P2RY8: variants seen among roughly 807,000 people sequenced by gnomAD.
P2RY8 encodes the protein P2Y receptor family member 8.
In P2RY8, 6 loss-of-function variants were observed where a neutral mutation model predicts 10.0. The observed-to-expected ratio is 0.60, with a 90% confidence interval of 0.33 to 1.19. P2RY8 has a LOEUF of 1.19. Among genes scored for constraint, P2RY8 ranks in the 50% most tolerant of loss-of-function variants. The pLI is 0.04. For synonymous variants in P2RY8, 276 were observed against 252.5 expected, an observed-to-expected ratio of 1.09 and a Z score of -0.88; for missense variants, 456 against 542.0, an observed-to-expected ratio of 0.84 and a Z score of 1.58.
intron 1 of P2RY8, among the ~76,000 whole-genome samples, chrX:1,509,733 C>CTATATATGTATCTATCTATG (rs2092280702): frequency 9.8e-6 from 1 of 102,160 alleles, no homozygotes; most frequent in African/African-American, 3.6e-5. Context: ...ATCTATGTAT[C>CTATATATGTATCTATCTATG]TATCTATGTA....
intron 1 of P2RY8, among the ~76,000 whole-genome samples, chrX:1,516,031 A>G (rs1439272402): frequency 1.6e-4 from 24 of 150,632 alleles, no homozygotes; most frequent in Non-Finnish European, 3.1e-4. Context: ...AAAAAAAAAA[A>G]AAAAAAATAC....
intron 1 of P2RY8, among the ~76,000 whole-genome samples, chrX:1,481,060 A>C (rs2091929548): frequency 6.6e-6 from 1 of 151,906 alleles, no homozygotes; most frequent in African/African-American, 2.4e-5. Flanking sequence ...CAGGGTGACT[A>C]AGATCTAGAG....
In P2RY8 at chrX:1,465,558, C is replaced by G; in HGVS notation, c.1001G>C (p.Arg334Pro). The G allele has an allele frequency of 6.2e-7, 1 of 1,612,464 alleles. No individual in the cohort carries two copies. Among genetic ancestry groups the G allele is most frequent in the Non-Finnish European group, 8.5e-7 (1 of 1,179,766 alleles). Residue 334 changes from arginine to proline, a missense_variant, in exon 2 of 2, where the codon CGC becomes CCC. Transcript: ENST00000381297. ...TTCAGGGTGCGCACCGGCCTCGGAG[C>G]GCACGGACGTGGTCCTGGCGGAGAA... Reference protein sequence around the residue: ...SLFSARTTSVRSEAGAHPEGM... With the variant: ...SLFSARTTSVPSEAGAHPEGM...
intron 1 of P2RY8, among the ~76,000 whole-genome samples, chrX:1,509,737 CTATG>C (rs1393751397): frequency 1.9e-5 from 2 of 107,768 alleles, no homozygotes; most frequent in Non-Finnish European, 2.0e-5. Flanking sequence ...ATGTATCTAT[CTATG>C]TATCTATCTG....
intron 1 of P2RY8, among the ~76,000 whole-genome samples, chrX:1,503,236 T>C (rs1245091219): frequency 2.0e-5 from 3 of 152,134 alleles, no homozygotes; most frequent in African/African-American, 7.2e-5. Flanking sequence ...TAGAGCTCCT[T>C]GAGGGAGCAC....
rs2091612645 is a variant in P2RY8, at chrX:1,463,296, G to A, written c.*2183C>T. On this transcript the variant is annotated 3_prime_UTR_variant, in exon 2 of 2. Transcript: ENST00000381297. ...TTCAGCTTTGGAACAGTCTAGAGAA[G>A]CAGGAGGTTAATTTTCCTCCTTCTG... is the stretch of plus-strand genomic sequence containing the variant. The A allele has an allele frequency of 4.3e-6, 1 of 232,960 alleles. No homozygotes were observed. The highest frequency in any genetic ancestry group is 8.5e-6 in the Non-Finnish European group (1 of 117,938). The allele number at this position is 232,960 out of a possible 1,614,324, so 14.4% of individuals were successfully genotyped here. A position where few individuals can be genotyped will look rare whatever the true frequency, so the allele number is the denominator to read the frequency against.
chrX:1,514,067 C>A (rs1346419030), intron 1 of P2RY8, among the ~76,000 whole-genome samples: 1 of 152,210 alleles, frequency 6.6e-6, no homozygotes, highest in African/African-American at 2.4e-5. Context: ...ACCCACTACA[C>A]ATAGCGTTAA....
At chrX:1,502,797 A>G (rs1383973853) in intron 1 of P2RY8, among the ~76,000 whole-genome samples, 1 of 152,162 alleles carries the variant, frequency 6.6e-6, no homozygotes, top group African/African-American at 2.4e-5. Context: ...CACAGAGGAG[A>G]AGGCCACGTG....
At chrX:1,518,052 T>C (rs2092363413) in intron 1 of P2RY8, among the ~76,000 whole-genome samples, 2 of 150,912 alleles carry the variant, frequency 1.3e-5, no homozygotes. Flanking sequence ...GAGGTTGCAG[T>C]GAGCCGAGAT....
At chrX:1,515,591 G>A (rs1335045745) in intron 1 of P2RY8, among the ~76,000 whole-genome samples, 10 of 151,044 alleles carry the variant, frequency 6.6e-5, no homozygotes, top group Non-Finnish European at 1.0e-4. Context: ...GGCTGGTCTC[G>A]AACTCCTGAC....
chrX:1,476,078 T>A (rs2091869504), intron 1 of P2RY8, among the ~76,000 whole-genome samples: 1 of 152,144 alleles, frequency 6.6e-6, no homozygotes, highest in Admixed American at 6.6e-5. Flanking sequence ...GAGCTCTCCA[T>A]GACCCAGGCA....
chrX:1,493,459 G>GGAA (rs1429643871), intron 1 of P2RY8, among the ~76,000 whole-genome samples: 9 of 115,534 alleles, frequency 7.8e-5, no homozygotes, highest in South Asian at 2.9e-4. Context: ...GGAGGAAGGA[G>GGAA]GGAGGAGGGA....
At chrX:1,513,425 G>C (rs1318240169) in intron 1 of P2RY8, among the ~76,000 whole-genome samples, 3 of 152,154 alleles carry the variant, frequency 2.0e-5, no homozygotes, top group Non-Finnish European at 4.4e-5. Flanking sequence ...TCTAGGGGAG[G>C]ATCCCTCCTG....
At chrX:1,503,487 G>A (rs1178038058) in intron 1 of P2RY8, among the ~76,000 whole-genome samples, 4 of 152,204 alleles carry the variant, frequency 2.6e-5, no homozygotes, top group Non-Finnish European at 4.4e-5. Flanking sequence ...CCAGCTGGGC[G>A]TAGTGGTTCA....
At chrX:1,521,428 C>T (rs1371568446) in intron 1 of P2RY8, among the ~76,000 whole-genome samples, 1 of 152,176 alleles carries the variant, frequency 6.6e-6, no homozygotes, top group African/African-American at 2.4e-5. Context: ...CATCACCCCT[C>T]TCTTATGGTC....
intron 1 of P2RY8, among the ~76,000 whole-genome samples, chrX:1,533,953 CAT>C (rs1164407133): frequency 3.5e-4 from 42 of 121,154 alleles, no homozygotes; most frequent in African/African-American, 1.3e-3. Context: ...TTACATATTA[CAT>C]AGTTATATAT....
chrX:1,507,767 G>C (rs1477957093), intron 1 of P2RY8, among the ~76,000 whole-genome samples: 3 of 152,166 alleles, frequency 2.0e-5, no homozygotes, highest in African/African-American at 7.2e-5. Flanking sequence ...CACTACCCCT[G>C]TGGTGACGGG....
rs1301872950 is a variant in P2RY8 at position 1,464,753 on chromosome X, G to A, written c.*726C>T. ...CCCACCAAGCCAGGCCAGAACAAAT[G>A]TGCCAAAAATCACCTTGGTCAGCAA... is the stretch of plus-strand genomic sequence containing the variant. On this transcript the variant is annotated 3_prime_UTR_variant, in exon 2 of 2. Coordinates refer to ENST00000381297, the MANE Select transcript of P2RY8 (RefSeq NM_178129.5). 22 of 233,154 alleles carry A rather than the reference G, an allele frequency of 9.4e-5. No individual in the cohort carries two copies. Among genetic ancestry groups the A allele is most frequent in the Non-Finnish European group, 1.7e-4 (20 of 118,174 alleles). 14.4% of individuals were successfully genotyped at this position (233,154 alleles called of 1,614,324 possible).
intron 1 of P2RY8, among the ~76,000 whole-genome samples, chrX:1,486,356 C>T (rs2091986449): frequency 6.6e-6 from 1 of 152,206 alleles, no homozygotes; most frequent in Non-Finnish European, 1.5e-5. Flanking sequence ...GTGGCCCCCC[C>T]ATGCACACAG....
Sources: gnomAD v4.1 joint callset for allele counts (sites outside exome capture counted in the v4.1 genomes callset) on GRCh38, gnomAD v4.1.1 for gene constraint, MANE v1.5 for transcripts, NCBI Gene and HGNC (gene_info 2026-07-23, HGNC 2026-07-21) for gene names.